PROS1: variants seen among roughly 807,000 people sequenced by gnomAD.
The protein encoded by PROS1 is protein S, also known as vitamin K-dependent protein S.
A neutral mutation model predicts 75.9 loss-of-function variants in PROS1; 29 were observed. That is an observed-to-expected ratio of 0.38 (90% confidence interval 0.28 to 0.52). PROS1 has a LOEUF of 0.52. Ranked by LOEUF, PROS1 falls within the 20% of genes least tolerant of loss-of-function variation. PROS1 has a pLI of 0.83. For missense variants in PROS1, 680 were observed against 810.3 expected (o/e 0.84, Z 1.95); for synonymous variants, 245 against 280.6 (o/e 0.87, Z 1.27).
In PROS1 at chr3:93,873,937, T is replaced by C. The variant is rs1708145174; in HGVS notation, c.*308A>G. ...AAAAACATAGGTATTTAGACACTAG[T>C]TCATGATGATAAAATTAAAATTTAG... On this transcript the variant is annotated 3_prime_UTR_variant, in exon 15 of 15. Coordinates refer to ENST00000394236, the MANE Select transcript of PROS1 (RefSeq NM_000313.4). 15 of 321,392 alleles carry C rather than the reference T, an allele frequency of 4.7e-5. 1 individual carries two copies. The highest frequency in any genetic ancestry group is 3.6e-4 in the South Asian group (11 of 30,796). 19.9% of individuals were successfully genotyped at this position (321,392 alleles called of 1,614,324 possible). A position where few individuals can be genotyped will look rare whatever the true frequency, so the allele number is the denominator to read the frequency against.
chr3:93,947,570 TTTTC>T (rs1340797913), intron 1 of PROS1, among the ~76,000 whole-genome samples: 1 of 151,922 alleles, frequency 6.6e-6, no homozygotes, highest in African/African-American at 2.4e-5. Context: ...GAAAGAGTTA[TTTTC>T]TTTTTTTTTT....
intron 1 of PROS1, 135 bp from the exon 2 acceptor site, chr3:93,927,542 G>A: frequency 2.8e-6 from 3 of 1,084,092 alleles, no homozygotes; most frequent in Admixed American, 2.7e-5. Flanking sequence ...ATCGAACTAA[G>A]AAAAAAATGC....
At chr3:93,895,780 C>T (rs766719862) in intron 9 of PROS1, among the ~76,000 whole-genome samples, 43 of 151,988 alleles carry the variant, frequency 2.8e-4, no homozygotes, top group Non-Finnish European at 3.2e-4. Flanking sequence ...CCCTGGGCAA[C>T]GTGGTAAAAC....
chr3:93,937,446 C>T (rs1709202061), intron 1 of PROS1, among the ~76,000 whole-genome samples: 1 of 150,672 alleles, frequency 6.6e-6, no homozygotes, highest in Admixed American at 6.6e-5. Flanking sequence ...CTGCTCACTG[C>T]AAGCTCCGCC....
At chr3:93,907,169 C>T (rs1253013386) in intron 4 of PROS1, among the ~76,000 whole-genome samples, 1 of 152,200 alleles carries the variant, frequency 6.6e-6, no homozygotes, top group Non-Finnish European at 1.5e-5. Context: ...TTTCCTGGGC[C>T]CACCCATGGC....
At chr3:93,917,835 C>A (rs574515426) in intron 3 of PROS1, among the ~76,000 whole-genome samples, 1 of 152,134 alleles carries the variant, frequency 6.6e-6, no homozygotes, top group Non-Finnish European at 1.5e-5. Context: ...GGGCAGGGTT[C>A]GGGACCTGCA....
intron 1 of PROS1, chr3:93,973,454 T>C: frequency 3.4e-6 from 2 of 596,024 alleles, no homozygotes; most frequent in Non-Finnish European, 6.2e-6. Flanking sequence ...AGATCTGTCC[T>C]GTAGGCAATA....
At chr3:93,915,904 A>T (rs1352138734) in intron 3 of PROS1, among the ~76,000 whole-genome samples, 1 of 152,092 alleles carries the variant, frequency 6.6e-6, no homozygotes, top group Non-Finnish European at 1.5e-5. Flanking sequence ...AACTGCTTCC[A>T]TATTTTCAGG....
At chr3:93,945,569 T>C (rs978802899) in intron 1 of PROS1, among the ~76,000 whole-genome samples, 2 of 152,184 alleles carry the variant, frequency 1.3e-5, no homozygotes, top group African/African-American at 4.8e-5. Flanking sequence ...CACATGATTA[T>C]CTCAATAGAT....
chr3:93,917,968 G>T (rs906118311), intron 3 of PROS1, among the ~76,000 whole-genome samples: 1 of 152,136 alleles, frequency 6.6e-6, no homozygotes, highest in South Asian at 2.1e-4. Context: ...TGAGGAGTGC[G>T]GGCACACGGC....
At chr3:93,922,553 A>T (rs535108254) in intron 3 of PROS1, among the ~76,000 whole-genome samples, 1 of 152,224 alleles carries the variant, frequency 6.6e-6, no homozygotes, top group East Asian at 1.9e-4. Flanking sequence ...CCTGAAAACG[A>T]AGTCTAAATA....
chr3:93,884,635 C>G, intron 12 of PROS1, 93 bp downstream of exon 12: 2 of 1,378,790 alleles, frequency 1.5e-6, no homozygotes. Flanking sequence ...ACAGTAGATA[C>G]TCAATAATGT....
At chr3:93,951,874 G>C (rs1255888066) in intron 1 of PROS1, among the ~76,000 whole-genome samples, 1 of 152,074 alleles carries the variant, frequency 6.6e-6, no homozygotes, top group Non-Finnish European at 1.5e-5. Context: ...TCAAAATAAA[G>C]GGATGGAGGA....
At chr3:93,888,944 T>C (rs1708388962) in intron 10 of PROS1, among the ~76,000 whole-genome samples, 1 of 152,194 alleles carries the variant, frequency 6.6e-6, no homozygotes, top group African/African-American at 2.4e-5. Context: ...ATGATCTTAT[T>C]CTAGACCACG....
chr3:93,910,712 A>G lies in PROS1; in HGVS notation c.260-7T>C, dbSNP rs373193429. On this transcript the variant is annotated splice_region_variant and splice_polypyrimidine_tract_variant and intron_variant, in intron 3 of 14. Coordinates refer to ENST00000394236, the MANE Select transcript of PROS1 (RefSeq NM_000313.4). ...TGAAAAGAGCGAAGACAAACTGAAA[A>G]TAAAAACAAACATAATCTTCTTAGA... 1 of 1,605,848 alleles carries G rather than the reference A, an allele frequency of 6.2e-7. No homozygotes were observed. The highest frequency in any genetic ancestry group is 8.5e-7 in the Non-Finnish European group (1 of 1,173,830).
At chr3:93,944,109 C>T (rs1428978723) in intron 1 of PROS1, among the ~76,000 whole-genome samples, 2 of 152,148 alleles carry the variant, frequency 1.3e-5, no homozygotes, top group Admixed American at 1.3e-4. Context: ...ACATTCATTG[C>T]ATATGTATAC....
chr3:93,958,139 C>T (rs1709638705), intron 1 of PROS1, among the ~76,000 whole-genome samples: 1 of 151,610 alleles, frequency 6.6e-6, no homozygotes, highest in South Asian at 2.1e-4. Context: ...GAATTATCAC[C>T]CAACCCCCCT....
At chr3:93,968,806 A>T (rs1709827609) in intron 1 of PROS1, among the ~76,000 whole-genome samples, 1 of 152,094 alleles carries the variant, frequency 6.6e-6, no homozygotes, top group Non-Finnish European at 1.5e-5. Context: ...TTGTTGCCAC[A>T]TACTAATCAG....
At chr3:93,911,098 G>A (rs1708753143) in intron 3 of PROS1, 1 of 229,652 alleles carries the variant, frequency 4.4e-6, no homozygotes, top group Non-Finnish European at 8.7e-6. Context: ...ATGTAATTAA[G>A]TCAATAGAAT....
Sources: allele counts gnomAD v4.1 joint callset (sites outside exome capture counted in the v4.1 genomes callset), GRCh38; gene constraint gnomAD v4.1.1; transcripts MANE v1.5; gene names NCBI Gene and HGNC (gene_info 2026-07-23, HGNC 2026-07-21).